Variants in TTC27 observed in about 807,000 individuals in gnomAD.
The protein encoded by TTC27 is tetratricopeptide repeat protein 27.
In TTC27, 79 loss-of-function variants were observed where a neutral mutation model predicts 115.9. The ratio of observed to expected loss-of-function variants is 0.68; its 90% CI spans 0.57 to 0.82. TTC27 has a LOEUF of 0.82. Among genes scored for constraint, TTC27 ranks in the 40% least tolerant of loss-of-function variants. TTC27 has a pLI of 0.00. For synonymous variants in TTC27, 401 were observed against 356.0 expected, an observed-to-expected ratio of 1.13 and a Z score of -1.42; for missense variants, 1,054 against 993.1, an observed-to-expected ratio of 1.06 and a Z score of -0.82.
rs758444708 is a variant in TTC27, at chr2:32,666,604, G to T, written c.806-31G>T. The T allele has an allele frequency of 9.3e-6, 15 of 1,611,110 alleles. No individual in the cohort carries two copies. In the Admixed American group the frequency reaches 1.7e-4, roughly 18 times the overall value. On this transcript the variant is annotated intron_variant, in intron 6 of 19. Coordinates refer to ENST00000317907, the MANE Select transcript of TTC27 (RefSeq NM_017735.5). ...ACTGTACAGTAGATCTCATGGGTAA[G>T]TCAGTAGATATAATTTTATTGTTTT... is the stretch of plus-strand genomic sequence containing the variant.
chr2:32,708,624 T>C (rs970731014), intron 10 of TTC27, among the ~76,000 whole-genome samples: 4 of 152,094 alleles, frequency 2.6e-5, no homozygotes, highest in Admixed American at 6.6e-5. Context: ...TTTATTTTTC[T>C]AGCTTACTTT....
intron 7 of TTC27, among the ~76,000 whole-genome samples, chr2:32,669,455 A>G (rs1356538163): frequency 1.3e-5 from 2 of 152,256 alleles, no homozygotes; most frequent in Non-Finnish European, 2.9e-5. Context: ...TAAGTTGGTT[A>G]TATATCATAT....
intron 10 of TTC27, among the ~76,000 whole-genome samples, chr2:32,703,642 C>T (rs1054218373): frequency 1.3e-5 from 2 of 152,138 alleles, no homozygotes; most frequent in Non-Finnish European, 2.9e-5. Context: ...AAGATTAATC[C>T]ATATTCAGGT....
intron 16 of TTC27, among the ~76,000 whole-genome samples, chr2:32,788,371 A>G (rs1670417696): frequency 6.6e-6 from 1 of 151,160 alleles, no homozygotes; most frequent in African/African-American, 2.4e-5. Context: ...GCCAGGCTGA[A>G]TTAGTTTACA....
intron 9 of TTC27, among the ~76,000 whole-genome samples, chr2:32,680,776 T>A (rs1424351291): frequency 6.6e-6 from 1 of 152,220 alleles, no homozygotes; most frequent in Non-Finnish European, 1.5e-5. Flanking sequence ...GATTGGTCCA[T>A]AAGCAGTTTA....
At chr2:32,666,597 T>A (rs1665784676) in intron 6 of TTC27, 38 bp from the exon 7 acceptor site, 1 of 1,607,968 alleles carries the variant, frequency 6.2e-7, no homozygotes, top group Admixed American at 1.7e-5. Context: ...GTAGATCTCA[T>A]GGGTAAGTCA....
At chr2:32,748,845 G>T (rs910420220) in intron 12 of TTC27, among the ~76,000 whole-genome samples, 4 of 151,934 alleles carry the variant, frequency 2.6e-5, no homozygotes, top group Admixed American at 2.6e-4. Context: ...ACGCCACCAT[G>T]CCCGGCTAAT....
intron 16 of TTC27, among the ~76,000 whole-genome samples, chr2:32,806,369 A>T (rs1308199829): frequency 1.3e-5 from 2 of 152,212 alleles, no homozygotes; most frequent in Non-Finnish European, 2.9e-5. Flanking sequence ...TTAATCTCAA[A>T]TATCTATTTT....
In TTC27 at chr2:32,664,323, T is replaced by C; in HGVS notation, c.661T>C (p.Phe221Leu). The stretch of plus-strand genomic sequence containing the variant: ...TGCAGTGATGAAACTACAGAATCTG[T>C]TTGTAGATGATTCAGGTCGATATTT... Reference protein sequence around the residue: ...IDQVMKLQNLFVDDSGRYLAI... With the variant: ...IDQVMKLQNLLVDDSGRYLAI... Residue 221 changes from phenylalanine (F) to leucine (L), a missense_variant, in exon 6 of 20, where the codon TTT (phenylalanine) becomes CTT (leucine). Coordinates refer to ENST00000317907, the MANE Select transcript of TTC27 (RefSeq NM_017735.5). 6.2e-6 allele frequency: 10 copies of C among 1,604,430 alleles called. No homozygotes were observed. The highest frequency in any genetic ancestry group is 8.5e-6 in the Non-Finnish European group (10 of 1,175,764).
At chr2:32,696,619 T>G (rs1006071188) in intron 9 of TTC27, among the ~76,000 whole-genome samples, 1 of 152,168 alleles carries the variant, frequency 6.6e-6, no homozygotes. Context: ...GATCCATTCC[T>G]TCACAAACAT....
At chr2:32,788,426 G>A (rs1670420230) in intron 16 of TTC27, among the ~76,000 whole-genome samples, 1 of 152,132 alleles carries the variant, frequency 6.6e-6, no homozygotes, top group South Asian at 2.1e-4. Flanking sequence ...TTCCTGATAA[G>A]CTAGACAGGG....
intron 12 of TTC27, among the ~76,000 whole-genome samples, chr2:32,745,949 A>C (rs1668811394): frequency 6.6e-6 from 1 of 152,138 alleles, no homozygotes; most frequent in Non-Finnish European, 1.5e-5. Flanking sequence ...AGTAAACAGC[A>C]TGTTACTCCG....
At chr2:32,687,207 T>C (rs1183311600) in intron 9 of TTC27, among the ~76,000 whole-genome samples, 1 of 152,204 alleles carries the variant, frequency 6.6e-6, no homozygotes, top group African/African-American at 2.4e-5. Flanking sequence ...TCCTATGTGG[T>C]TGCAAAGTTT....
chr2:32,817,213 T>G (rs1671528042), intron 18 of TTC27, among the ~76,000 whole-genome samples: 1 of 148,484 alleles, frequency 6.7e-6, no homozygotes, highest in Admixed American at 6.7e-5. Flanking sequence ...ATGCCACACC[T>G]CCAGACTGAG....
chr2:32,801,043 C>T (rs937900630), intron 16 of TTC27, among the ~76,000 whole-genome samples: 5 of 152,110 alleles, frequency 3.3e-5, no homozygotes, highest in African/African-American at 1.2e-4. Context: ...AGGTCACTAG[C>T]CATAGTAAGG....
At position 32,670,713 on chromosome 2, in the gene TTC27, G is replaced by A. The variant is rs557126693; in HGVS notation, c.940-1559G>A. ...GCTTACTGCAACCTCCACCTCCCGG[G>A]TTCAAGTGATTCTCCTGCCTCAGCC... On this transcript the variant is annotated intron_variant, in intron 7 of 19. Coordinates refer to ENST00000317907, the MANE Select transcript of TTC27 (RefSeq NM_017735.5). Among the ~76,000 whole-genome samples the A allele has an allele frequency of 1.1e-3, 168 of 152,168 alleles. 2 individuals are homozygous for A. The highest frequency in any genetic ancestry group is 4.2e-3 in the Admixed American group (64 of 15,286).
intron 8 of TTC27, among the ~76,000 whole-genome samples, chr2:32,673,983 C>CA (rs1666104349): frequency 6.6e-6 from 1 of 151,468 alleles, no homozygotes; most frequent in African/African-American, 2.4e-5. Flanking sequence ...AACTCTGTCT[C>CA]AAAAAAATAC....
intron 12 of TTC27, among the ~76,000 whole-genome samples, chr2:32,743,908 T>G (rs1668730952): frequency 6.6e-6 from 1 of 152,232 alleles, no homozygotes; most frequent in Non-Finnish European, 1.5e-5. Context: ...GAAGGATCTT[T>G]TATGTTTCTG....
chr2:32,741,425 C>T (rs1057417172), intron 12 of TTC27, among the ~76,000 whole-genome samples: 1 of 151,092 alleles, frequency 6.6e-6, no homozygotes, highest in East Asian at 1.9e-4. Flanking sequence ...GGGCAGATCA[C>T]GAGGTCAAGA....
Sources: gnomAD v4.1 joint callset for allele counts (sites outside exome capture counted in the v4.1 genomes callset) on GRCh38, gnomAD v4.1.1 for gene constraint, MANE v1.5 for transcripts, NCBI Gene and HGNC (gene_info 2026-07-23, HGNC 2026-07-21) for gene names.